The following IPP variants were observed in gnomAD, a reference collection of about 807,000 sequenced individuals.
IPP encodes the protein actin-binding protein IPP.
IPP carries 41 observed loss-of-function variants against 64.1 expected under a neutral mutation model. That is an observed-to-expected ratio of 0.64 (90% confidence interval 0.50 to 0.83). The LOEUF (loss-of-function observed/expected upper bound fraction) is 0.83, where lower values mean the gene tolerates loss of function less well. Ranked by LOEUF, IPP falls within the 40% of genes least tolerant of loss-of-function variation. The probability of loss-of-function intolerance (pLI) is 0.00; values close to 1 mark genes in which losing one functional copy is unlikely to be tolerated. For synonymous variants in IPP, 214 were observed against 235.2 expected, an observed-to-expected ratio of 0.91 and a Z score of 0.83; for missense variants, 649 against 703.0, an observed-to-expected ratio of 0.92 and a Z score of 0.87.
Position 45,746,276 on chromosome 1 carries a change from C to G in IPP, c.136G>C (p.Glu46Gln). 2.5e-6 allele frequency: 4 copies of G among 1,614,210 alleles called. No individual in the cohort carries two copies. The highest frequency in any genetic ancestry group is 3.4e-6 in the Non-Finnish European group (4 of 1,180,044). ...ACCAGCCGATGAGCTTTAAAACTTT[C>G]CTGTCCAACTTGCAGCTGCACATCA... ...FCDVQLQVGQESFKAHRLVLA... is the reference protein window; with the variant it reads ...FCDVQLQVGQQSFKAHRLVLA... The change falls in exon 2 of 9, where the codon GAA becomes CAA. Residue 46 changes from glutamate to glutamine, a missense_variant. By Grantham distance (29) the Glu-to-Gln change is conservative. Coordinates refer to ENST00000396478, the MANE Select transcript of IPP (RefSeq NM_005897.3).
intron 3 of IPP, among the ~76,000 whole-genome samples, chr1:45,733,470 TA>T (rs151126288): frequency 5.7e-4 from 82 of 143,232 alleles, no homozygotes; most frequent in African/African-American, 1.2e-3. Context: ...AGCAAGTCAT[TA>T]AAAAAAAAAA....
intron 1 of IPP, 38 bp from the exon 2 acceptor site, chr1:45,746,499 T>G: frequency 1.0e-6 from 1 of 958,846 alleles, no homozygotes; most frequent in South Asian, 1.6e-5. Flanking sequence ...GCAACAAAAT[T>G]TTTTTAACAT....
At chr1:45,721,733 A>T (rs1431676931) in intron 5 of IPP, among the ~76,000 whole-genome samples, 1 of 152,244 alleles carries the variant, frequency 6.6e-6, no homozygotes, top group Non-Finnish European at 1.5e-5. Context: ...GACAATTTTT[A>T]AAATGCACTA....
chr1:45,727,662 T>C lies in IPP; in HGVS notation c.1017A>G (p.Thr339=). The change falls in exon 5 of 9, where the codon ACA becomes ACG. Residue 339 remains threonine, a synonymous_variant. Coordinates refer to ENST00000396478, the MANE Select transcript of IPP (RefSeq NM_005897.3). ...TAGCGTAGACCATCCCTCCCAGAACTGTTACTCCCAGCCCACTTCGAGCCT... is the reference window on the plus strand; with the variant it reads ...TAGCGTAGACCATCCCTCCCAGAACCGTTACTCCCAGCCCACTTCGAGCCT... ...LHQARSGLGV[T]VLGGMVYAIG... is the part of the protein sequence containing the mutation. 1.3e-6 allele frequency: 2 copies of C among 1,589,590 alleles called. No homozygotes were observed. The highest frequency in any genetic ancestry group is 1.7e-6 in the Non-Finnish European group (2 of 1,162,000).
chr1:45,742,261 T>C (rs1309897002), intron 2 of IPP, among the ~76,000 whole-genome samples: 2 of 151,840 alleles, frequency 1.3e-5, no homozygotes, highest in Non-Finnish European at 2.9e-5. Context: ...AAACTACCTA[T>C]CAGGTATTAT....
Position 45,719,207 on chromosome 1 carries a change from AG to A in IPP, c.1181del (p.Ala394ValfsTer10). 6.2e-7 allele frequency: 1 copy of A among 1,614,060 alleles called. No homozygotes were observed. The highest frequency in any genetic ancestry group is 8.5e-7 in the Non-Finnish European group (1 of 1,179,966). The stretch of plus-strand genomic sequence containing the variant: ...TAAACTGAACAACATAATTACCCAA[AG>A]CATAGATAGCCCCATAACACACACA... The part of the protein sequence containing the change: ...GVCVCYGAIY[A>X]LGGWVGAEIG... On this transcript the variant is annotated frameshift_variant, in exon 6 of 9. Coordinates refer to ENST00000396478, the MANE Select transcript of IPP (RefSeq NM_005897.3). LOFTEE classifies it high-confidence loss of function.
At chr1:45,725,212 G>A (rs1193923774) in intron 5 of IPP, among the ~76,000 whole-genome samples, 2 of 141,348 alleles carry the variant, frequency 1.4e-5, no homozygotes, top group African/African-American at 5.2e-5. Context: ...GAGGGAGGTG[G>A]GGGGGTCAGC....
chr1:45,696,274 C>T (rs186279921), downstream of IPP, among the ~76,000 whole-genome samples: 1 of 152,112 alleles, frequency 6.6e-6, no homozygotes, highest in Non-Finnish European at 1.5e-5. Flanking sequence ...AGAAGCATAT[C>T]GGATTGTTAA....
At chr1:45,731,779 T>TAA (rs1171618078) in intron 3 of IPP, among the ~76,000 whole-genome samples, 1 of 151,578 alleles carries the variant, frequency 6.6e-6, no homozygotes, top group African/African-American at 2.4e-5. Flanking sequence ...TACTAAAAAA[T>TAA]ACAAAAATTA....
In IPP at chr1:45,729,631, T is replaced by C; in HGVS notation, c.863A>G (p.Lys288Arg). ...SKVRPRKKAR[K>R]YLYAVGGYTR... ...TCTCTCACCTACTGCATACAGGTAC[T>C]TTCTTGCTTTCTTCCGAGGTCGAAC... Residue 288 changes from lysine to arginine, a missense_variant, in exon 4 of 9, where the codon AAG (lysine) becomes AGG (arginine). By Grantham distance (26) the Lys-to-Arg change is conservative. Coordinates refer to ENST00000396478, the MANE Select transcript of IPP (RefSeq NM_005897.3). 1 of 1,612,448 alleles carries C rather than the reference T, an allele frequency of 6.2e-7. No individual in the cohort carries two copies. Among genetic ancestry groups the C allele is most frequent in the East Asian group, 2.2e-5 (1 of 44,782 alleles).
downstream of IPP, chr1:45,697,475 CT>C (rs1267895439): frequency 2.0e-5 from 3 of 152,030 alleles, no homozygotes; most frequent in African/African-American, 7.2e-5. Flanking sequence ...TGGTCTTGAA[CT>C]CCTGACCTCA....
Position 45,746,164 on chromosome 1 carries a change from A to G in IPP, c.248T>C (p.Ile83Thr), listed in dbSNP as rs767412927. 1 of 1,614,090 alleles carries G rather than the reference A, an allele frequency of 6.2e-7. No individual in the cohort carries two copies. The highest frequency in any genetic ancestry group is 2.2e-5 in the East Asian group (1 of 44,890). Reference protein sequence around the residue: ...SSKDVVPILGIEAGIFQILLD... With the variant: ...SSKDVVPILGTEAGIFQILLD... ...AAGTATCTGAAAGATTCCTGCTTCA[A>G]TTCCTAGAATCGGTACAACATCTTT... The change falls in exon 2 of 9, where the codon ATT (isoleucine) becomes ACT (threonine). Residue 83 changes from isoleucine to threonine, a missense_variant. Ile to Thr is a moderately conservative substitution (Grantham distance 89). Transcript: ENST00000396478.
At chr1:45,701,310 G>A (rs1013393591) in intron 8 of IPP, among the ~76,000 whole-genome samples, 7 of 150,902 alleles carry the variant, frequency 4.6e-5, no homozygotes, top group South Asian at 4.2e-4. Context: ...TTTTTGAGAC[G>A]GAGTCTCGCT....
In IPP at chr1:45,719,296, G is replaced by C; in HGVS notation, c.1093C>G (p.Pro365Ala). 7 of 1,608,626 alleles carry C rather than the reference G, an allele frequency of 4.4e-6. No homozygotes were observed. Among genetic ancestry groups the C allele is most frequent in the Non-Finnish European group, 6.0e-6 (7 of 1,175,734 alleles). The change falls in exon 6 of 9, where the codon CCA (proline) becomes GCA (alanine). Residue 365 changes from proline (P) to alanine (A), a missense_variant. By Grantham distance (27) the Pro-to-Ala change is conservative (BLOSUM62 -1). Transcript: ENST00000396478. ...MIFDCTECYD[P>A]VTKQWTTVAS... is the part of the protein sequence containing the mutation. ...ACAGTTGTCCACTGTTTAGTAACTGGATCATAGCATTCAGTACAATCAAAA... is the reference window on the plus strand; with the variant it reads ...ACAGTTGTCCACTGTTTAGTAACTGCATCATAGCATTCAGTACAATCAAAA...
intron 3 of IPP, among the ~76,000 whole-genome samples, chr1:45,737,245 C>T (rs1016666547): frequency 6.6e-6 from 1 of 151,826 alleles, no homozygotes; most frequent in Non-Finnish European, 1.5e-5. Flanking sequence ...ATTTCTCTCC[C>T]TTGTTTAAAC....
At position 45,740,970 on chromosome 1, in the gene IPP, CAT is replaced by C. The variant is rs765844086; in HGVS notation, c.653_654del (p.His218ArgfsTer29). 54 of 1,613,832 alleles carry C rather than the reference CAT, an allele frequency of 3.3e-5. No individual in the cohort carries two copies. Among genetic ancestry groups the C allele is most frequent in the East Asian group, 1.1e-4 (5 of 44,872 alleles). On this transcript the variant is annotated frameshift_variant, in exon 3 of 9. Coordinates refer to ENST00000396478, the MANE Select transcript of IPP (RefSeq NM_005897.3). LOFTEE classifies it high-confidence loss of function. ...CGAATTGGGTCTAGCACTTCCACCA[CAT>C]GTTTTCTTCTTTTTCCCAAATCTTT... The part of the protein sequence containing the change: ...ILKDLGKRRK[H>X]VVEVLDPIRF...
At chr1:45,712,960 A>C (rs1389253189) in intron 8 of IPP, among the ~76,000 whole-genome samples, 1 of 151,644 alleles carries the variant, frequency 6.6e-6, no homozygotes, top group Non-Finnish European at 1.5e-5. Flanking sequence ...CCTGACCTAA[A>C]AAATATTTTA....
At chr1:45,707,003 G>A (rs1291686909) in intron 8 of IPP, among the ~76,000 whole-genome samples, 15 of 152,212 alleles carry the variant, frequency 9.9e-5, no homozygotes, top group South Asian at 4.1e-4. Flanking sequence ...TACTCAGGAG[G>A]CTGAAGCAGA....
intron 1 of IPP, among the ~76,000 whole-genome samples, chr1:45,748,130 A>G (rs1236181537): frequency 6.6e-6 from 1 of 152,196 alleles, no homozygotes; most frequent in African/African-American, 2.4e-5. Flanking sequence ...TCATATCACC[A>G]TCTACAGAAT....
Sources: allele counts gnomAD v4.1 joint callset (sites outside exome capture counted in the v4.1 genomes callset), GRCh38; gene constraint gnomAD v4.1.1; transcripts MANE v1.5; gene names NCBI Gene and HGNC (gene_info 2026-07-23, HGNC 2026-07-21).